RAPSN: variants seen among roughly 807,000 people sequenced by gnomAD.
RAPSN encodes 43 kDa receptor-associated protein of the synapse.
In RAPSN, 33 loss-of-function variants were observed where a neutral mutation model predicts 45.7. That is an observed-to-expected ratio of 0.72 (90% CI 0.55 to 0.97). RAPSN has a LOEUF of 0.97. Ranked by LOEUF, RAPSN falls within the 50% of genes least tolerant of loss-of-function variation. RAPSN has a pLI of 0.00. For missense variants in RAPSN, 519 were observed against 559.4 expected (o/e 0.93, Z 0.73); for synonymous variants, 244 against 233.6 (o/e 1.04, Z -0.40).
chr11:47,444,371 T>C (rs2076388536), intron 2 of RAPSN, among the ~76,000 whole-genome samples: 2 of 151,712 alleles, frequency 1.3e-5, no homozygotes, highest in Admixed American at 1.3e-4. Flanking sequence ...GACCACTGTC[T>C]CTACAAAAAA....
At chr11:47,445,893 C>T (rs1260336545) in intron 2 of RAPSN, among the ~76,000 whole-genome samples, 1 of 151,606 alleles carries the variant, frequency 6.6e-6, no homozygotes, top group Non-Finnish European at 1.5e-5. Flanking sequence ...ACGGACATCC[C>T]ACTAGCAATG....
chr11:47,449,073 A>C lies in RAPSN; in HGVS notation c.-109T>G. 1 of 1,372,718 alleles carries C rather than the reference A, an allele frequency of 7.3e-7. No individual in the cohort carries two copies. The allele number at this position is 1,372,718 out of a possible 1,614,324, so 85.0% of individuals were successfully genotyped here. ...CAGCTGCCCCCCGAAACGTGGGAAC[A>C]AAAGCAGCGTCGGGTGGGAGCCGGA... is the stretch of plus-strand genomic sequence containing the variant. On this transcript the variant is annotated 5_prime_UTR_variant, in exon 1 of 8. Coordinates refer to ENST00000298854, the MANE Select transcript of RAPSN (RefSeq NM_005055.5).
rs1202888760 is a variant in RAPSN, at chr11:47,448,763, G to T, written c.192+10C>A. 2 of 1,607,458 alleles carry T rather than the reference G, an allele frequency of 1.2e-6. No homozygotes were observed. The highest frequency in any genetic ancestry group is 3.3e-5 in the Admixed American group (2 of 60,018). The stretch of plus-strand genomic sequence containing the variant: ...TGACCCTCGAACGCCCCCAGGCCGG[G>T]TACACCCACCTTCAGCATCTCCTTG... On this transcript the variant is annotated intron_variant, in intron 1 of 7. Transcript: ENST00000298854.
chr11:47,442,399 C>G (rs941465973), intron 3 of RAPSN, among the ~76,000 whole-genome samples: 7 of 152,336 alleles, frequency 4.6e-5, no homozygotes, highest in Admixed American at 1.3e-4. Flanking sequence ...GTGGCTCATG[C>G]CTGGAATCCC....
At chr11:47,448,366 T>C (rs1026110337) in intron 1 of RAPSN, among the ~76,000 whole-genome samples, 2 of 152,038 alleles carry the variant, frequency 1.3e-5, no homozygotes, top group Admixed American at 6.6e-5. Context: ...AAGCTCAGGC[T>C]TGCAGCCTTC....
chr11:47,441,073 A>G, intron 6 of RAPSN, 86 bp downstream of exon 6: 1 of 1,537,786 alleles, frequency 6.5e-7, no homozygotes, highest in Non-Finnish European at 9.0e-7. Context: ...TCATGACGTG[A>G]GTAGGCTCAG....
At chr11:47,439,924 G>C (rs2076350246) in intron 6 of RAPSN, among the ~76,000 whole-genome samples, 2 of 151,950 alleles carry the variant, frequency 1.3e-5, no homozygotes, top group Admixed American at 1.3e-4. Context: ...TGTTGGTCAG[G>C]CTGATCTCAG....
rs772159754 is a variant in RAPSN at position 47,438,450 on chromosome 11, G to C, written c.1166+282C>G. 7.0e-6 allele frequency: 4 copies of C among 573,990 alleles called. No individual in the cohort carries two copies. In the East Asian group the frequency reaches 8.5e-5, roughly 12 times the overall value. The allele number at this position is 573,990 out of a possible 1,614,324, so 35.6% of individuals were successfully genotyped here. The stretch of plus-strand genomic sequence containing the variant: ...TGATTCTCCTGCCTCAGCCTCCCGA[G>C]TAGTTGGGATTACAGGCTCCCACCA... On this transcript the variant is annotated intron_variant, in intron 7 of 7. Transcript: ENST00000298854.
At chr11:47,446,562 C>T (rs977127914) in intron 2 of RAPSN, among the ~76,000 whole-genome samples, 20 of 152,098 alleles carry the variant, frequency 1.3e-4, no homozygotes, top group African/African-American at 4.3e-4. Context: ...GGCATTAAAT[C>T]CCCCATGGAC....
At position 47,447,793 on chromosome 11, in the gene RAPSN, C is replaced by T; in HGVS notation, c.531+19G>A. Reference sequence around the variant, plus strand: ...GCCCCAAAACCCTCCACTGCTGTCCCCCTGGGGTGCAGGCCCACCTTGACC... The same window carrying T: ...GCCCCAAAACCCTCCACTGCTGTCCTCCTGGGGTGCAGGCCCACCTTGACC... On this transcript the variant is annotated intron_variant, in intron 2 of 7. Coordinates refer to ENST00000298854, the MANE Select transcript of RAPSN (RefSeq NM_005055.5). 1 of 1,602,730 alleles carries T rather than the reference C, an allele frequency of 6.2e-7. No individual in the cohort carries two copies. The highest frequency in any genetic ancestry group is 2.3e-5 in the East Asian group (1 of 44,106).
intron 4 of RAPSN, 30 bp downstream of exon 4, chr11:47,441,793 C>A: frequency 6.4e-7 from 1 of 1,554,864 alleles, no homozygotes; most frequent in South Asian, 1.2e-5. Flanking sequence ...CTGCCCCCTG[C>A]CCCCAGCCCC....
At chr11:47,444,144 C>A (rs1595900356) in intron 2 of RAPSN, among the ~76,000 whole-genome samples, 4 of 151,918 alleles carry the variant, frequency 2.6e-5, no homozygotes, top group African/African-American at 9.7e-5. Flanking sequence ...ATAACCCCCC[C>A]AAAAAACCCT....
At position 47,438,869 on chromosome 11, in the gene RAPSN, C is replaced by G. The variant is rs1395424249; in HGVS notation, c.1029G>C (p.Arg343=). 1.3e-6 allele frequency: 2 copies of G among 1,566,338 alleles called. No individual in the cohort carries two copies. Among genetic ancestry groups the G allele is most frequent in the African/African-American group, 2.7e-5 (2 of 74,124 alleles). Residue 343 remains arginine, a synonymous_variant, in exon 7 of 8, where the codon CGG becomes CGC. Transcript: ENST00000298854. ...ESIYRSKGLQ[R]ELRAHVVRFH... Reference sequence around the variant, plus strand: ...ACCTCACAACGTGCGCCCGCAGTTCCCGCTGCAGCCCTTTGCTGCGGTAAA... The same window carrying G: ...ACCTCACAACGTGCGCCCGCAGTTCGCGCTGCAGCCCTTTGCTGCGGTAAA...
At position 47,448,993 on chromosome 11, in the gene RAPSN, G is replaced by A. The variant is rs1461685166; in HGVS notation, c.-29C>T. The A allele has an allele frequency of 2.2e-5, 35 of 1,613,588 alleles. No individual in the cohort carries two copies. The East Asian group carries it at 7.6e-4, about 35-fold the overall frequency. ...CCCCAAGCCCTGTGTCCCACGTGGG[G>A]TGATCCCTGGTGGCTCCGTGCCTCT... On this transcript the variant is annotated 5_prime_UTR_variant, in exon 1 of 8. Coordinates refer to ENST00000298854, the MANE Select transcript of RAPSN (RefSeq NM_005055.5).
intron 1 of RAPSN, 74 bp from the exon 2 acceptor site, chr11:47,448,224 C>T: frequency 1.3e-6 from 2 of 1,522,166 alleles, no homozygotes; most frequent in South Asian, 1.1e-5. Flanking sequence ...GCACTGCAGG[C>T]TCAGACCTGG....
intron 2 of RAPSN, among the ~76,000 whole-genome samples, chr11:47,443,446 C>G (rs1177722981): frequency 6.6e-6 from 1 of 152,174 alleles, no homozygotes; most frequent in Admixed American, 6.5e-5. Flanking sequence ...CCTCCTGTCT[C>G]CACCAGATCT....
At chr11:47,441,551 A>C in intron 5 of RAPSN, 60 bp downstream of exon 5, 1 of 1,597,810 alleles carries the variant, frequency 6.3e-7, no homozygotes. Context: ...CGGCTAACCT[A>C]CTGGCCCCAA....
intron 3 of RAPSN, among the ~76,000 whole-genome samples, 185 bp from the exon 4 acceptor site, chr11:47,442,106 G>A (rs1383179976): frequency 1.3e-5 from 2 of 152,232 alleles, no homozygotes; most frequent in Non-Finnish European, 2.9e-5. Context: ...CAAGGTGGGT[G>A]GAAAGTGAGG....
rs536788411 is a variant in RAPSN at position 47,438,714 on chromosome 11, C to T, written c.1166+18G>A. 30 of 1,554,534 alleles carry T rather than the reference C, an allele frequency of 1.9e-5. No homozygotes were observed. In the East Asian group the frequency reaches 6.5e-4, roughly 33 times the overall value. On this transcript the variant is annotated intron_variant, in intron 7 of 7. Transcript: ENST00000298854. ...AGAGATCCTGCCCACCCCTGTCCAC[C>T]CCCCCAGGAGCCCCCACCTGAGGTG...
Sources: allele counts gnomAD v4.1 joint callset (sites outside exome capture counted in the v4.1 genomes callset), GRCh38; gene constraint gnomAD v4.1.1; transcripts MANE v1.5; gene names NCBI Gene and HGNC (gene_info 2026-07-23, HGNC 2026-07-21).